The following CHKB variants were observed in gnomAD, a reference collection of about 807,000 sequenced individuals.
CHKB encodes the protein choline kinase beta.
In CHKB, 45 loss-of-function variants were observed where a neutral mutation model predicts 57.3. That is an observed-to-expected ratio of 0.79 (90% CI 0.62 to 1.01). CHKB has a LOEUF of 1.01. Among genes scored for constraint, CHKB ranks in the 50% least tolerant of loss-of-function variants. The pLI, the probability that CHKB is intolerant of heterozygous loss-of-function variation, is 0.00. For synonymous variants in CHKB, 224 were observed against 201.8 expected, an observed-to-expected ratio of 1.11 and a Z score of -0.93; for missense variants, 517 against 502.8, an observed-to-expected ratio of 1.03 and a Z score of -0.27.
rs748051557 is a variant in CHKB, at chr22:50,581,844, G to C, written c.352C>G (p.Leu118Val). Residue 118 changes from leucine to valine, a missense_variant, in exon 3 of 11, where the codon CTA becomes GTA. Physicochemically the swap from Leu to Val is conservative, Grantham distance 32. Transcript: ENST00000406938. ...AILQGVDSLV[L>V]ESVMFAILAE... ...AGTATGGCGAACATCACGCTTTCTA[G>C]CACCAGGGAGTCCACGCCCTGAAAA... 10 of 1,613,710 alleles carry C rather than the reference G, an allele frequency of 6.2e-6. No individual in the cohort carries two copies. The South Asian group carries it at 1.1e-4, about 18-fold the overall frequency.
intron 7 of CHKB, 45 bp downstream of exon 7, chr22:50,580,145 G>A (rs199997732): frequency 6.2e-7 from 1 of 1,612,766 alleles, no homozygotes; most frequent in Non-Finnish European, 8.5e-7. Context: ...GTTTTCAAGA[G>A]CCCTATGGGA....
intron 3 of CHKB, 95 bp from the exon 4 acceptor site, chr22:50,581,648 C>T (rs1176652753): frequency 8.2e-6 from 13 of 1,593,880 alleles, no homozygotes; most frequent in Middle Eastern, 1.7e-4. Flanking sequence ...GGGGGAAATT[C>T]CCTACTTGGG....
intron 1 of CHKB, 92 bp downstream of exon 1, chr22:50,582,466 A>AG (rs1270986913): frequency 1.0e-5 from 15 of 1,467,396 alleles, no homozygotes; most frequent in Non-Finnish European, 1.4e-5. Context: ...CGGGCGCAAG[A>AG]GGGGGGCGAA....
At chr22:50,579,603 T>A in intron 9 of CHKB, 96 bp from the exon 10 acceptor site, 3 of 1,504,986 alleles carry the variant, frequency 2.0e-6, no homozygotes, top group Non-Finnish European at 2.8e-6. Context: ...CAGTTTTAAC[T>A]TCTCCCCCAC....
Position 50,579,094 on chromosome 22 carries a change from G to A in CHKB, c.*87C>T, listed in dbSNP as rs1249261044. 3.8e-6 allele frequency: 5 copies of A among 1,331,996 alleles called. No homozygotes were observed. The highest frequency in any genetic ancestry group is 1.8e-4 in the Middle Eastern group (1 of 5,416). 82.5% of individuals were successfully genotyped at this position (1,331,996 alleles called of 1,614,324 possible). A position where few individuals can be genotyped will look rare whatever the true frequency, so the allele number is the denominator to read the frequency against. On this transcript the variant is annotated 3_prime_UTR_variant, in exon 11 of 11. Transcript: ENST00000406938. Reference sequence around the variant, plus strand: ...CAGTTTCACTTGGGGGCTCAGCCCAGTCGCCAGGGCCTTCTGCTCGTTGTT... The same window carrying A: ...CAGTTTCACTTGGGGGCTCAGCCCAATCGCCAGGGCCTTCTGCTCGTTGTT...
chr22:50,579,045 G>T lies in CHKB; in HGVS notation c.*136C>A. On this transcript the variant is annotated 3_prime_UTR_variant, in exon 11 of 11. Coordinates refer to ENST00000406938, the MANE Select transcript of CHKB (RefSeq NM_005198.5). ...AGCCATGGGGACCTACTCAAACTCAGGAACAGGCCGGTCTCCTGAACCTCA... is the reference window on the plus strand; with the variant it reads ...AGCCATGGGGACCTACTCAAACTCATGAACAGGCCGGTCTCCTGAACCTCA... The T allele has an allele frequency of 1.2e-6, 1 of 839,440 alleles. No homozygotes were observed. Among genetic ancestry groups the T allele is most frequent in the Non-Finnish European group, 2.0e-6 (1 of 501,972 alleles). 52.0% of individuals were successfully genotyped at this position (839,440 alleles called of 1,614,324 possible).
At position 50,581,703 on chromosome 22, in the gene CHKB, G is replaced by A. The variant is rs368201426; in HGVS notation, c.447+46C>T. The A allele has an allele frequency of 2.5e-6, 4 of 1,588,446 alleles. No homozygotes were observed. The Admixed American group carries it at 5.0e-5, about 20-fold the overall frequency. ...ACATTGGGCACTGGGGTAGGGTTAG[G>A]GGGTGGAGGTGCCTTGGGGAGGAGA... On this transcript the variant is annotated intron_variant, in intron 3 of 10. Coordinates refer to ENST00000406938, the MANE Select transcript of CHKB (RefSeq NM_005198.5).
rs886541475 is a variant in CHKB at position 50,580,749 on chromosome 22, GCTC to G, written c.582-92_582-90del. On this transcript the variant is annotated intron_variant, in intron 4 of 10. Coordinates refer to ENST00000406938, the MANE Select transcript of CHKB (RefSeq NM_005198.5). ...CCTCAGGCCAGACTACTGCACCCCT[GCTC>G]CTATCACTGTGTGACTTGTCCGGCA... 64 of 1,097,588 alleles carry G rather than the reference GCTC, an allele frequency of 5.8e-5. No homozygotes were observed. The African/African-American group carries it at 9.1e-4, about 16-fold the overall frequency. 68.0% of individuals were successfully genotyped at this position (1,097,588 alleles called of 1,614,324 possible).
Position 50,580,593 on chromosome 22 carries a change from T to C in CHKB, c.649A>G (p.Ser217Gly), listed in dbSNP as rs565326245. 3 of 1,614,160 alleles carry C rather than the reference T, an allele frequency of 1.9e-6. No individual in the cohort carries two copies. The Admixed American group carries it at 5.0e-5, about 27-fold the overall frequency. Residue 217 changes from serine to glycine, a missense_variant, in exon 5 of 11, where the codon AGC (serine) becomes GGC (glycine). Coordinates refer to ENST00000406938, the MANE Select transcript of CHKB (RefSeq NM_005198.5). ...AGGTTGCCCATCTCATCCTTCAGGC[T>C]GTACATCTCCAGCAGGTTCATCTCA... The part of the protein sequence containing the change: ...LPEMNLLEMY[S>G]LKDEMGNLRK...
At chr22:50,581,969 G>A in intron 2 of CHKB, 107 bp from the exon 3 acceptor site, 2 of 972,672 alleles carry the variant, frequency 2.1e-6, no homozygotes, top group South Asian at 2.6e-5. Context: ...CAATTGCCTG[G>A]AGGCTCTGGA....
chr22:50,581,700 TA>T (rs1237882359), intron 3 of CHKB, 48 bp downstream of exon 3: 3 of 1,586,184 alleles, frequency 1.9e-6, no homozygotes, highest in South Asian at 2.2e-5. Flanking sequence ...GGGGTAGGGT[TA>T]GGGGGTGGAG....
In CHKB at chr22:50,579,507, C is replaced by T. The variant is rs1251390051; in HGVS notation, c.1032G>A (p.Arg344=). Residue 344 remains arginine (R), a splice_region_variant and synonymous_variant, in exon 10 of 11, where the codon CGG becomes CGA. Transcript: ENST00000406938. ...AGAAGAAATGGGATGCCAGAGCATA[C>T]CTGGGGGGAGGGCAGGAAAAGGAGG... The part of the protein sequence containing the change: ...LEEDLLVEVS[R]YALASHFFWG... The T allele has an allele frequency of 3.1e-6, 5 of 1,613,364 alleles. No individual in the cohort carries two copies. The Admixed American group carries it at 5.0e-5, about 16-fold the overall frequency.
Position 50,582,832 on chromosome 22 carries a change from A to ACGGGCTCGGTTCCTTCCGGC in CHKB, c.-52_-51insGCCGGAAGGAACCGAGCCCG. 2 of 1,496,328 alleles carry ACGGGCTCGGTTCCTTCCGGC rather than the reference A, an allele frequency of 1.3e-6. No individual in the cohort carries two copies. The highest frequency in any genetic ancestry group is 1.8e-6 in the Non-Finnish European group (2 of 1,118,320). 92.7% of individuals were successfully genotyped at this position (1,496,328 alleles called of 1,614,324 possible). On this transcript the variant is annotated 5_prime_UTR_variant, in exon 1 of 11. Coordinates refer to ENST00000406938, the MANE Select transcript of CHKB (RefSeq NM_005198.5). ...CCAGGCTGCGCTCCGCTCCCTTCGG[A>ACGGGCTCGGTTCCTTCCGGC]CGGGCTCGGTTCCTTCCGGCCGCGC...
chr22:50,582,153 G>T, intron 2 of CHKB, 96 bp downstream of exon 2: 2 of 1,129,468 alleles, frequency 1.8e-6, no homozygotes, highest in South Asian at 1.3e-5. Context: ...CGTGAACCTC[G>T]GTGTCCTCAA....
rs746317833 is a variant in CHKB, at chr22:50,582,747, C to T, written c.35G>A (p.Gly12Glu). ...AAEATAVAGS[G>E]AVGGCLAKDG... is the part of the protein sequence containing the mutation. ...TTTGGCCAGGCAGCCGCCAACAGCC[C>T]CGCTTCCGGCCACAGCTGTCGCCTC... The change falls in exon 1 of 11, where the codon GGG becomes GAG. Residue 12 changes from glycine (G) to glutamate (E), a missense_variant. Coordinates refer to ENST00000406938, the MANE Select transcript of CHKB (RefSeq NM_005198.5). 5.0e-6 allele frequency: 8 copies of T among 1,594,018 alleles called. No individual in the cohort carries two copies. In the African/African-American group the frequency reaches 9.4e-5, roughly 19 times the overall value.
chr22:50,582,279 C>G lies in CHKB; in HGVS notation c.303G>C (p.Val101=), dbSNP rs1360229850. ...AGATGGCTCCGTACAGCCGCAGAAG[C>G]ACCTCCCGGGGCTCCTCGCCAACGC... ...LPSVGEEPRE[V]LLRLYGAILQ... Residue 101 remains valine, a synonymous_variant, in exon 2 of 11, where the codon GTG becomes GTC. Transcript: ENST00000406938. 2 of 1,594,158 alleles carry G rather than the reference C, an allele frequency of 1.3e-6. No individual in the cohort carries two copies. Among genetic ancestry groups the G allele is most frequent in the Non-Finnish European group, 1.7e-6 (2 of 1,172,664 alleles).
intron 4 of CHKB, chr22:50,580,864 C>T: frequency 1.8e-6 from 1 of 556,660 alleles, no homozygotes; most frequent in East Asian, 3.5e-5. Flanking sequence ...ACTGCAACCT[C>T]TGCCTCCCGG....
At position 50,581,911 on chromosome 22, in the gene CHKB, C is replaced by G. The variant is rs375735904; in HGVS notation, c.334-49G>C. On this transcript the variant is annotated intron_variant, in intron 2 of 10. Transcript: ENST00000406938. Reference sequence around the variant, plus strand: ...GGGCCAAGGCAAAGTGGCACAGGGACACACATGAGGGCTCGCCTTCCTCCC... The same window carrying G: ...GGGCCAAGGCAAAGTGGCACAGGGAGACACATGAGGGCTCGCCTTCCTCCC... 118 of 1,521,212 alleles carry G rather than the reference C, an allele frequency of 7.8e-5. No homozygotes were observed. In the African/African-American group the frequency reaches 1.4e-3, roughly 18 times the overall value. The allele number at this position is 1,521,212 out of a possible 1,614,324, so 94.2% of individuals were successfully genotyped here.
rs1413300668 is a variant in CHKB, at chr22:50,580,679, G to T, written c.582-19C>A. On this transcript the variant is annotated intron_variant, in intron 4 of 10. Transcript: ENST00000406938. ...TAGGTACCTGAAGCCCAAAGAATAGGATACACTGGCTCTGCTATTCTTTCC... is the reference window on the plus strand; with the variant it reads ...TAGGTACCTGAAGCCCAAAGAATAGTATACACTGGCTCTGCTATTCTTTCC... The T allele has an allele frequency of 2.5e-6, 4 of 1,610,412 alleles. No homozygotes were observed. Among genetic ancestry groups the T allele is most frequent in the Non-Finnish European group, 3.4e-6 (4 of 1,176,958 alleles).
Sources: gnomAD v4.1 joint callset for allele counts on GRCh38, gnomAD v4.1.1 for gene constraint, MANE v1.5 for transcripts, NCBI Gene and HGNC (gene_info 2026-07-23, HGNC 2026-07-21) for gene names.